MAPK8IP3: variants seen among roughly 807,000 people sequenced by gnomAD.
The protein encoded by MAPK8IP3 is C-Jun-amino-terminal kinase-interacting protein 3.
Under a neutral mutation model 157.8 loss-of-function variants are expected in MAPK8IP3, and 49 were observed. The ratio of observed to expected loss-of-function variants is 0.31; its 90% CI spans 0.25 to 0.39. The LOEUF (loss-of-function observed/expected upper bound fraction) is 0.39, where lower values mean the gene tolerates loss of function less well. Ranked by LOEUF, MAPK8IP3 falls within the 10% of genes least tolerant of loss-of-function variation. MAPK8IP3 has a pLI of 1.00. For missense variants in MAPK8IP3, 1,478 were observed against 1,889.4 expected (o/e 0.78, Z 4.04); for synonymous variants, 897 against 777.7 (o/e 1.15, Z -2.55).
intron 8 of MAPK8IP3, among the ~76,000 whole-genome samples, chr16:1,753,463 C>T (rs994666804): frequency 6.0e-5 from 9 of 150,184 alleles, no homozygotes; most frequent in East Asian, 4.0e-4. Flanking sequence ...ATTTTTGAGA[C>T]GGAGTCTTGC....
chr16:1,748,411 G>A, intron 7 of MAPK8IP3, 65 bp downstream of exon 7: 1 of 1,410,842 alleles, frequency 7.1e-7, no homozygotes, highest in South Asian at 1.2e-5. Flanking sequence ...GGTGTCTTTG[G>A]TGAAGTCTTC....
chr16:1,766,345 C>T lies in MAPK8IP3; in HGVS notation c.2755C>T (p.Pro919Ser). The change falls in exon 22 of 32, where the codon CCT (proline) becomes TCT (serine). Residue 919 changes from proline to serine, a missense_variant. Physicochemically the swap from Pro to Ser is moderately conservative, Grantham distance 74 (BLOSUM62 -1). Transcript: ENST00000610761. ...EPETATLRPG[P>S]LTEHVFTDPA... ...AGAGACAGCCACATTGCGGCCCGGG[C>T]CTCTCACAGAGCACGTCTTCACTGA... The T allele has an allele frequency of 6.2e-7, 1 of 1,612,706 alleles. No homozygotes were observed.
intron 11 of MAPK8IP3, 22 bp downstream of exon 11, chr16:1,760,037 G>A (rs1046629973): frequency 2.5e-6 from 4 of 1,613,974 alleles, no homozygotes; most frequent in Non-Finnish European, 3.4e-6. Context: ...CTTCTCCTGT[G>A]TGGTGGGGCT....
intron 1 of MAPK8IP3, among the ~76,000 whole-genome samples, chr16:1,720,172 T>C (rs2038423773): frequency 6.6e-6 from 1 of 152,196 alleles, no homozygotes; most frequent in Non-Finnish European, 1.5e-5. Flanking sequence ...GTAGCTGGGA[T>C]TACAGGCGCA....
At chr16:1,729,309 C>G in intron 3 of MAPK8IP3, 101 bp downstream of exon 3, 1 of 1,395,630 alleles carries the variant, frequency 7.2e-7, no homozygotes, top group Non-Finnish European at 1.0e-6. Flanking sequence ...CTGGCATGTC[C>G]CTTTTCTAGC....
chr16:1,744,845 T>C, intron 5 of MAPK8IP3: 1 of 978,122 alleles, frequency 1.0e-6, no homozygotes. Flanking sequence ...TTATTTGATT[T>C]TTCTTTATTT....
chr16:1,748,716 C>T lies in MAPK8IP3; in HGVS notation c.1212C>T (p.Leu404=), dbSNP rs201656989. The T allele has an allele frequency of 3.1e-6, 5 of 1,613,082 alleles. No individual in the cohort carries two copies. The highest frequency in any genetic ancestry group is 1.7e-5 in the Admixed American group (1 of 60,012). The part of the protein sequence containing the change: ...VIGDVDEGAD[L]LGEFSVRDDF... Reference sequence around the variant, plus strand: ...GGGATGTGGACGAAGGGGCCGACCTCCTAGGTAAGCGCAAGCCTTCCCCCG... The same window carrying T: ...GGGATGTGGACGAAGGGGCCGACCTTCTAGGTAAGCGCAAGCCTTCCCCCG... Residue 404 remains leucine (L), a synonymous_variant, in exon 8 of 32, where the codon CTC becomes CTT. Transcript: ENST00000610761.
chr16:1,768,173 A>G, intron 29 of MAPK8IP3, 26 bp from the exon 30 acceptor site: 1 of 1,611,974 alleles, frequency 6.2e-7, no homozygotes, highest in Non-Finnish European at 8.5e-7. Context: ...ATGCGGGCTC[A>G]GCGCCTCTGG....
chr16:1,736,296 CCGTGAG>C (rs1328287925), intron 4 of MAPK8IP3, among the ~76,000 whole-genome samples: 10 of 49,432 alleles, frequency 2.0e-4, no homozygotes, highest in South Asian at 2.2e-3. Flanking sequence ...ATCCGTGTGA[CCGTGAG>C]CGTCCGTGTG....
At chr16:1,759,804 GC>G (rs1596763336) in intron 10 of MAPK8IP3, 153 bp from the exon 11 acceptor site, 2 of 677,966 alleles carry the variant, frequency 3.0e-6, no homozygotes, top group East Asian at 5.4e-5. Flanking sequence ...CCCAGCATGA[GC>G]CCCGCCCTTC....
rs759159658 is a variant in MAPK8IP3, at chr16:1,706,455, A to C, written c.116A>C (p.Glu39Ala). 2 of 1,613,960 alleles carry C rather than the reference A, an allele frequency of 1.2e-6. No homozygotes were observed. The highest frequency in any genetic ancestry group is 8.5e-7 in the Non-Finnish European group (1 of 1,179,956). The change falls in exon 1 of 32, where the codon GAG becomes GCG. Residue 39 changes from glutamate (E) to alanine (A), a missense_variant. By Grantham distance (107) the Glu-to-Ala change is moderately radical. Coordinates refer to ENST00000610761, the MANE Select transcript of MAPK8IP3 (RefSeq NM_001318852.2). This position sits in a 1 kb window ranked among gnomAD's most constrained non-coding sequence, Gnocchi z 5.1. ...VSGLAGSIYR[E>A]FERLIHCYDE... ...GGCCTGGCGGGCTCCATCTACCGCG[A>C]GTTCGAGCGCCTCATCCACTGCTAC... is the stretch of plus-strand genomic sequence containing the variant.
rs1596825093 is a variant in MAPK8IP3 at position 1,769,000 on chromosome 16, G to A, written c.*176G>A. ...GGGAGTGCGGGGATGCGGATCAGCT[G>A]GGAGGAGGAGGGGAGGGGAACTTCC... On this transcript the variant is annotated 3_prime_UTR_variant, in exon 32 of 32. Coordinates refer to ENST00000610761, the MANE Select transcript of MAPK8IP3 (RefSeq NM_001318852.2). The A allele has an allele frequency of 1.4e-6, 1 of 700,738 alleles. No homozygotes were observed. The highest frequency in any genetic ancestry group is 2.3e-6 in the Non-Finnish European group (1 of 426,122). 43.4% of individuals were successfully genotyped at this position (700,738 alleles called of 1,614,324 possible).
rs773281010 is a variant in MAPK8IP3, at chr16:1,747,225, G to A, written c.944G>A (p.Ser315Asn). ...NSKRAREKRDSRNMEVQVTQE... is the reference protein window; with the variant it reads ...NSKRAREKRDNRNMEVQVTQE... ...AAGCGTGCCCGGGAGAAGCGCGACA[G>A]CCGCAACATGGAAGTACAGGTCACC... The change falls in exon 6 of 32, where the codon AGC becomes AAC. Residue 315 changes from serine (S) to asparagine (N), a missense_variant. Around this residue, in one of 11 missense-constraint regions of MAPK8IP3, gnomAD observed 315 missense variants for 394.4 expected, o/e 0.80. Transcript: ENST00000610761. The A allele has an allele frequency of 5.0e-6, 8 of 1,613,862 alleles. No individual in the cohort carries two copies. Among genetic ancestry groups the A allele is most frequent in the Non-Finnish European group, 6.8e-6 (8 of 1,180,020 alleles).
At chr16:1,730,840 C>CA (rs72481919) in intron 4 of MAPK8IP3, among the ~76,000 whole-genome samples, 1,338 of 56,006 alleles carry the variant, frequency 0.024, 12 homozygotes, top group African/African-American at 0.03. Context: ...GAGACTCTGT[C>CA]AAAAAAAAAA....
rs2041258962 is a variant in MAPK8IP3, at chr16:1,751,027, A to G, written c.1216+2307A>G. ...TATGACACATGTGTACGCAGAACACACAGTGTCAGGTCGCAGCTGCCCTTC... is the reference window on the plus strand; with the variant it reads ...TATGACACATGTGTACGCAGAACACGCAGTGTCAGGTCGCAGCTGCCCTTC... On this transcript the variant is annotated intron_variant, in intron 8 of 31. Coordinates refer to ENST00000610761, the MANE Select transcript of MAPK8IP3 (RefSeq NM_001318852.2). This position sits in a 1 kb window ranked among gnomAD's most constrained non-coding sequence, Gnocchi z 5.0. Among the ~76,000 whole-genome samples, 1 of 152,240 alleles carries G rather than the reference A, an allele frequency of 6.6e-6. No homozygotes were observed. The highest frequency in any genetic ancestry group is 2.1e-4 in the South Asian group (1 of 4,826).
intron 8 of MAPK8IP3, among the ~76,000 whole-genome samples, chr16:1,749,405 C>G (rs2041164733): frequency 6.6e-6 from 1 of 151,920 alleles, no homozygotes; most frequent in African/African-American, 2.4e-5. Context: ...CCTCGCCGCA[C>G]ACCCTAGGAC....
chr16:1,726,953 C>G (rs1481290477), intron 2 of MAPK8IP3, among the ~76,000 whole-genome samples: 1 of 152,148 alleles, frequency 6.6e-6, no homozygotes, highest in Admixed American at 6.6e-5. Context: ...GTGTCTATAA[C>G]TCGTGTGCTG....
chr16:1,728,764 C>A (rs1229106120), intron 2 of MAPK8IP3, among the ~76,000 whole-genome samples: 4 of 141,596 alleles, frequency 2.8e-5, no homozygotes, highest in African/African-American at 5.5e-5. Context: ...AGACGGCCTT[C>A]ACAGAGCTGA....
At position 1,768,308 on chromosome 16, in the gene MAPK8IP3, C is replaced by T. The variant is rs892210122; in HGVS notation, c.3672C>T (p.Cys1224=). 4.3e-6 allele frequency: 7 copies of T among 1,609,802 alleles called. No homozygotes were observed. The highest frequency in any genetic ancestry group is 1.1e-5 in the South Asian group (1 of 91,086). Residue 1224 remains cysteine, a synonymous_variant, in exon 30 of 32, where the codon TGC becomes TGT. Coordinates refer to ENST00000610761, the MANE Select transcript of MAPK8IP3 (RefSeq NM_001318852.2). The part of the protein sequence containing the change: ...DRAASSFIPY[C]SMAQAQLCFH... ...CGGCCAGCAGCTTCATCCCCTACTG[C>T]TCCATGGCCCAGGCCCAGCTATGCT...
Sources: allele counts gnomAD v4.1 joint callset (sites outside exome capture counted in the v4.1 genomes callset), GRCh38; gene constraint gnomAD v4.1.1; regional missense constraint gnomAD v4.1.1; non-coding constraint Gnocchi (gnomAD v3.1); transcripts MANE v1.5; gene names NCBI Gene and HGNC (gene_info 2026-07-23, HGNC 2026-07-21).